KCNK18: variants seen among roughly 807,000 people sequenced by gnomAD.
The protein encoded by KCNK18 is potassium two pore domain channel subfamily K member 18.
In KCNK18, 8 loss-of-function variants were observed where a neutral mutation model predicts 11.8. The ratio of observed to expected loss-of-function variants is 0.68; its 90% confidence interval spans 0.40 to 1.22. The LOEUF is 1.22. Among genes scored for constraint, KCNK18 ranks in the 50% most tolerant of loss-of-function variants. KCNK18 has a pLI of 0.01. For synonymous variants in KCNK18, 208 were observed against 185.8 expected (o/e 1.12, Z -0.97); for missense variants, 442 against 465.4 (o/e 0.95, Z 0.46).
At chr10:117,202,007 C>T (rs1855018552) in intron 2 of KCNK18, among the ~76,000 whole-genome samples, 1 of 152,240 alleles carries the variant, frequency 6.6e-6, no homozygotes, top group African/African-American at 2.4e-5. Flanking sequence ...CCTTCAGCCA[C>T]AGGGCCAGAG....
intron 1 of KCNK18, among the ~76,000 whole-genome samples, chr10:117,198,212 C>T (rs868241349): frequency 9.2e-5 from 14 of 152,280 alleles, no homozygotes; most frequent in South Asian, 8.3e-4. Context: ...GCCACCCACG[C>T]CCCCACTTCC....
rs1182213426 is a variant in KCNK18, at chr10:117,199,757, C to T, written c.224-1402C>T. 2.0e-5 allele frequency among the ~76,000 whole-genome samples: 3 copies of T among 152,200 alleles called. No individual in the cohort carries two copies. In the South Asian group the frequency reaches 6.2e-4, roughly 32 times the overall value. On this transcript the variant is annotated intron_variant, in intron 1 of 2. Transcript: ENST00000334549. ...GAACTTATCAGGGTTAGAGCTGGGT[C>T]TAGAATCGATGTGTGTAGACTCCCA...
intron 2 of KCNK18, among the ~76,000 whole-genome samples, chr10:117,204,218 C>T (rs754550730): frequency 4.0e-5 from 6 of 148,766 alleles, no homozygotes; most frequent in Non-Finnish European, 5.9e-5. Flanking sequence ...GCCATGATCG[C>T]GCCACTGCAC....
chr10:117,201,450 C>T (rs917401067), intron 2 of KCNK18, among the ~76,000 whole-genome samples, 163 bp downstream of exon 2: 15 of 152,184 alleles, frequency 9.9e-5, no homozygotes, highest in African/African-American at 2.2e-4. Flanking sequence ...GCAGCAGCTG[C>T]GCTGGCCGAC....
At chr10:117,206,175 C>T (rs560637604) in intron 2 of KCNK18, among the ~76,000 whole-genome samples, 7 of 152,182 alleles carry the variant, frequency 4.6e-5, no homozygotes, top group African/African-American at 7.2e-5. Flanking sequence ...GCCAGAAATT[C>T]GAAATCAGTT....
At chr10:117,205,948 G>C (rs923439811) in intron 2 of KCNK18, among the ~76,000 whole-genome samples, 8 of 152,056 alleles carry the variant, frequency 5.3e-5, no homozygotes, top group African/African-American at 1.9e-4. Flanking sequence ...TACTCAGGAG[G>C]CTGAGGCAAG....
chr10:117,209,685 T>C lies in KCNK18; in HGVS notation c.541T>C (p.Cys181Arg). 1 of 1,614,008 alleles carries C rather than the reference T, an allele frequency of 6.2e-7. No individual in the cohort carries two copies. The change falls in exon 3 of 3, where the codon TGC (cysteine) becomes CGC (arginine). Residue 181 changes from cysteine (C) to arginine (R), a missense_variant. Coordinates refer to ENST00000334549, the MANE Select transcript of KCNK18 (RefSeq NM_181840.1). Reference sequence around the variant, plus strand: ...TACCCGCCCCCTCCTCTCCAAGTGGTGCCCCAAATCTCTCTTCAAGAAAAA... The same window carrying C: ...TACCCGCCCCCTCCTCTCCAAGTGGCGCCCCAAATCTCTCTTCAAGAAAAA... ...FFTRPLLSKW[C>R]PKSLFKKKPD...
Position 117,210,128 on chromosome 10 carries a change from T to C in KCNK18, c.984T>C (p.Asp328=). 1 of 1,614,256 alleles carries C rather than the reference T, an allele frequency of 6.2e-7. No homozygotes were observed. The highest frequency in any genetic ancestry group is 1.1e-5 in the South Asian group (1 of 91,090). ...CACTCACCACCATTGGGTTTGGGGATACTGTTTTAGAACACCCTAACTTCT... is the reference window on the plus strand; with the variant it reads ...CACTCACCACCATTGGGTTTGGGGACACTGTTTTAGAACACCCTAACTTCT... The part of the protein sequence containing the change: ...FVTLTTIGFG[D]TVLEHPNFFL... Residue 328 remains aspartate (D), a synonymous_variant, in exon 3 of 3, where the codon GAT becomes GAC. Coordinates refer to ENST00000334549, the MANE Select transcript of KCNK18 (RefSeq NM_181840.1).
At chr10:117,206,595 GCC>G (rs1197864695) in intron 2 of KCNK18, among the ~76,000 whole-genome samples, 1 of 152,116 alleles carries the variant, frequency 6.6e-6, no homozygotes, top group Non-Finnish European at 1.5e-5. Flanking sequence ...TGCCATGGAA[GCC>G]CTTAGATGCT....
intron 2 of KCNK18, among the ~76,000 whole-genome samples, chr10:117,203,101 T>G (rs1855034546): frequency 6.6e-6 from 1 of 152,036 alleles, no homozygotes. Context: ...GGTCTTGAAC[T>G]CCTGACCTCA....
intron 2 of KCNK18, among the ~76,000 whole-genome samples, chr10:117,202,999 C>T (rs754978611): frequency 6.7e-6 from 1 of 148,654 alleles, no homozygotes; most frequent in African/African-American, 2.5e-5. Context: ...GTCTCAGTCC[C>T]CAAGTAGCTG....
At chr10:117,198,824 A>C (rs1396313005) in intron 1 of KCNK18, among the ~76,000 whole-genome samples, 1 of 152,174 alleles carries the variant, frequency 6.6e-6, no homozygotes, top group Non-Finnish European at 1.5e-5. Flanking sequence ...GACAGACGCC[A>C]GCCTGCTCAG....
At position 117,200,390 on chromosome 10, in the gene KCNK18, C is replaced by T. The variant is rs148930465; in HGVS notation, c.224-769C>T. Among the ~76,000 whole-genome samples the T allele has an allele frequency of 4.2e-3, 636 of 152,302 alleles. 3 individuals are homozygous for T. The highest frequency in any genetic ancestry group is 6.8e-3 in the Middle Eastern group (2 of 294). The stretch of plus-strand genomic sequence containing the variant: ...ATCGTGCCCGGCAAACTCCATCAAG[C>T]GTAATGACCTCCAGGAGTGGGTATG... On this transcript the variant is annotated intron_variant, in intron 1 of 2. Transcript: ENST00000334549.
chr10:117,209,639 G>C lies in KCNK18; in HGVS notation c.495G>C (p.Arg165=). The stretch of plus-strand genomic sequence containing the variant: ...CCATCTTATCTACATCTTATAATCG[G>C]TTCCGAAAATTCCCTTTCTTTACCC... ...LATILSTSYN[R]FRKFPFFTRP... The change falls in exon 3 of 3, where the codon CGG becomes CGC. Residue 165 remains arginine, a synonymous_variant. Transcript: ENST00000334549. 1 of 1,614,072 alleles carries C rather than the reference G, an allele frequency of 6.2e-7. No individual in the cohort carries two copies. Among genetic ancestry groups the C allele is most frequent in the Non-Finnish European group, 8.5e-7 (1 of 1,180,026 alleles).
At chr10:117,200,458 G>A (rs1246554005) in intron 1 of KCNK18, among the ~76,000 whole-genome samples, 1 of 121,570 alleles carries the variant, frequency 8.2e-6, no homozygotes, top group African/African-American at 2.9e-5. Flanking sequence ...AAAGCCTTTT[G>A]CTTTTAGTAC....
chr10:117,209,780 C>T lies in KCNK18; in HGVS notation c.636C>T (p.Pro212=), dbSNP rs981795465. Residue 212 remains proline, a synonymous_variant, in exon 3 of 3, where the codon CCC becomes CCT. Coordinates refer to ENST00000334549, the MANE Select transcript of KCNK18 (RefSeq NM_181840.1). ...IIISAEELPG[P]KLGTCPSRPS... is the part of the protein sequence containing the mutation. The stretch of plus-strand genomic sequence containing the variant: ...TCAGTGCTGAAGAGCTTCCAGGCCC[C>T]AAACTTGGCACATGTCCTTCACGCC... The T allele has an allele frequency of 7.4e-6, 12 of 1,614,184 alleles. No individual in the cohort carries two copies. In the South Asian group the frequency reaches 1.2e-4, roughly 16 times the overall value.
intron 2 of KCNK18, among the ~76,000 whole-genome samples, chr10:117,202,426 A>G (rs1052217767): frequency 6.6e-6 from 1 of 152,254 alleles, no homozygotes; most frequent in Non-Finnish European, 1.5e-5. Flanking sequence ...TAAGAAGTCC[A>G]GTGTGAGGAC....
intron 2 of KCNK18, among the ~76,000 whole-genome samples, chr10:117,204,380 G>A (rs1247089614): frequency 2.0e-5 from 3 of 152,044 alleles, no homozygotes; most frequent in Admixed American, 2.0e-4. Flanking sequence ...TGCAGAGGAG[G>A]CTCCTGTGCA....
In KCNK18 at chr10:117,197,603, G is replaced by A. The variant is rs761111452; in HGVS notation, c.115G>A (p.Val39Met). ...GGTGACCTACGCCCTGGTGGGTGCT[G>A]TGGTCTTCTCTGCCATTGAGGACGG... ...FLVTYALVGA[V>M]VFSAIEDGQV... Residue 39 changes from valine (V) to methionine (M), a missense_variant, in exon 1 of 3, where the codon GTG becomes ATG. Coordinates refer to ENST00000334549, the MANE Select transcript of KCNK18 (RefSeq NM_181840.1). 6.2e-7 allele frequency: 1 copy of A among 1,614,142 alleles called. No individual in the cohort carries two copies. Among genetic ancestry groups the A allele is most frequent in the Admixed American group, 1.7e-5 (1 of 60,032 alleles).
Sources: gnomAD v4.1 joint callset for allele counts (sites outside exome capture counted in the v4.1 genomes callset) on GRCh38, gnomAD v4.1.1 for gene constraint, MANE v1.5 for transcripts, NCBI Gene and HGNC (gene_info 2026-07-23, HGNC 2026-07-21) for gene names.